ASB3: variants seen among roughly 807,000 people sequenced by gnomAD.
ASB3 encodes the protein ankyrin repeat and SOCS box protein 3.
A neutral mutation model predicts 54.5 loss-of-function variants in ASB3; 41 were observed. The observed-to-expected ratio is 0.75, with a 90% CI of 0.59 to 0.98. The LOEUF is 0.98. ASB3 is among the 50% of genes least tolerant of loss of function. The pLI is 0.00. For missense variants in ASB3, 733 were observed against 620.0 expected (o/e 1.18, Z -1.94); for synonymous variants, 266 against 221.2 (o/e 1.20, Z -1.80).
At chr2:53,712,757 C>T (rs760843558) in intron 7 of ASB3, among the ~76,000 whole-genome samples, 4 of 151,886 alleles carry the variant, frequency 2.6e-5, no homozygotes, top group Admixed American at 2.6e-4. Flanking sequence ...CACACACACA[C>T]ACACACACAC....
In ASB3 at chr2:53,757,998, G is replaced by T. The variant is rs769135289; in HGVS notation, c.197-7057C>A. 1.3e-5 allele frequency among the ~76,000 whole-genome samples: 2 copies of T among 151,882 alleles called. 1 individual carries two copies. Among genetic ancestry groups the T allele is most frequent in the African/African-American group, 4.8e-5 (2 of 41,326 alleles). On this transcript the variant is annotated intron_variant, in intron 2 of 9. Coordinates refer to ENST00000263634, the MANE Select transcript of ASB3 (RefSeq NM_016115.5). Reference sequence around the variant, plus strand: ...GATGAAAGCGAATTAAGTAACTCAAGGAGAGAAGAGACAGAGAGAGAGAGA... The same window carrying T: ...GATGAAAGCGAATTAAGTAACTCAATGAGAGAAGAGACAGAGAGAGAGAGA...
At chr2:53,698,469 T>C (rs952459717) in intron 8 of ASB3, among the ~76,000 whole-genome samples, 11 of 152,150 alleles carry the variant, frequency 7.2e-5, no homozygotes, top group Non-Finnish European at 1.3e-4. Context: ...ATGTCCTAAG[T>C]CATTCCTTTG....
chr2:53,749,115 T>G (rs1225953569), intron 3 of ASB3, among the ~76,000 whole-genome samples: 1 of 152,024 alleles, frequency 6.6e-6, no homozygotes, highest in Admixed American at 6.6e-5. Flanking sequence ...ACTACTTCCA[T>G]AAGTCTGAAA....
intron 3 of ASB3, among the ~76,000 whole-genome samples, chr2:53,743,315 A>T (rs1264340556): frequency 1.3e-5 from 2 of 151,988 alleles, no homozygotes; most frequent in Non-Finnish European, 2.9e-5. Context: ...AAATTATTCA[A>T]TTTTGAACAT....
rs188789540 is a variant in ASB3 at position 53,734,275 on chromosome 2, C to G, written c.356-4705G>C. On this transcript the variant is annotated intron_variant, in intron 3 of 9. Transcript: ENST00000263634. ...TATTGTCTCTTCTCCAGTTTTTTCTCATCATTCCTTCTCTACTGGGCTCCA... is the reference window on the plus strand; with the variant it reads ...TATTGTCTCTTCTCCAGTTTTTTCTGATCATTCCTTCTCTACTGGGCTCCA... Among the ~76,000 whole-genome samples the G allele has an allele frequency of 3.0e-3, 454 of 152,330 alleles. 1 individual carries two copies. Among genetic ancestry groups the G allele is most frequent in the African/African-American group, 0.011 (440 of 41,562 alleles).
chr2:53,780,495 GA>G (rs1674584368), intron 1 of ASB3, among the ~76,000 whole-genome samples: 1 of 152,160 alleles, frequency 6.6e-6, no homozygotes, highest in African/African-American at 2.4e-5. Flanking sequence ...AATACAAGCA[GA>G]GGGGTGGGTA....
chr2:53,711,165 T>A (rs1012201022), intron 7 of ASB3, among the ~76,000 whole-genome samples: 1 of 152,098 alleles, frequency 6.6e-6, no homozygotes, highest in Non-Finnish European at 1.5e-5. Context: ...TTTGGGTCTA[T>A]CTTGTGCATT....
intron 3 of ASB3, among the ~76,000 whole-genome samples, chr2:53,741,932 T>C (rs1334183320): frequency 1.3e-5 from 2 of 152,174 alleles, no homozygotes; most frequent in African/African-American, 4.8e-5. Flanking sequence ...TCCTGGGTAC[T>C]TGTGGGAGAA....
intron 3 of ASB3, among the ~76,000 whole-genome samples, chr2:53,737,671 G>T (rs553944377): frequency 6.7e-6 from 1 of 149,112 alleles, no homozygotes; most frequent in East Asian, 2.0e-4. Context: ...GGAAGGGGAA[G>T]GATGTCTCCA....
intron 7 of ASB3, among the ~76,000 whole-genome samples, chr2:53,713,079 C>G (rs1220916991): frequency 6.6e-6 from 1 of 152,168 alleles, no homozygotes; most frequent in Non-Finnish European, 1.5e-5. Flanking sequence ...TGGCTCACAC[C>G]TATAATCCCA....
In ASB3 at chr2:53,670,484, GT is replaced by G; in HGVS notation, c.*18del. ...TTTTTCAGAGAAAAAAATTAGCTGT[GT>G]TAAGTAGTTTCACTGATTTATCCAT... is the stretch of plus-strand genomic sequence containing the variant. On this transcript the variant is annotated 3_prime_UTR_variant, in exon 10 of 10. Transcript: ENST00000263634. 6.2e-7 allele frequency: 1 copy of G among 1,608,908 alleles called. No homozygotes were observed. Among genetic ancestry groups the G allele is most frequent in the Non-Finnish European group, 8.5e-7 (1 of 1,178,790 alleles).
chr2:53,672,502 T>C (rs898672382), intron 9 of ASB3, among the ~76,000 whole-genome samples: 1 of 152,168 alleles, frequency 6.6e-6, no homozygotes, highest in Non-Finnish European at 1.5e-5. Context: ...TTTAAGTAGA[T>C]TGACTATGTT....
chr2:53,712,912 T>C (rs146652443), intron 7 of ASB3, among the ~76,000 whole-genome samples: 9 of 152,302 alleles, frequency 5.9e-5, no homozygotes, highest in African/African-American at 1.9e-4. Flanking sequence ...CTAAAGTAAT[T>C]AGGGCTCTTC....
chr2:53,707,914 A>G (rs1217086069), intron 7 of ASB3, among the ~76,000 whole-genome samples: 2 of 147,046 alleles, frequency 1.4e-5, no homozygotes, highest in African/African-American at 2.5e-5. Context: ...GTGAGCCGAG[A>G]TGGTGTCACT....
intron 9 of ASB3, among the ~76,000 whole-genome samples, chr2:53,683,064 G>A (rs1167439240): frequency 6.6e-6 from 1 of 152,146 alleles, no homozygotes; most frequent in African/African-American, 2.4e-5. Flanking sequence ...AGATCTTAGA[G>A]GAAAAGCTTC....
chr2:53,671,273 T>C (rs1007417707), intron 9 of ASB3, among the ~76,000 whole-genome samples: 4 of 151,700 alleles, frequency 2.6e-5, no homozygotes, highest in African/African-American at 9.7e-5. Flanking sequence ...TGTAGAAATT[T>C]AAAAAAACAA....
chr2:53,716,785 C>CCTG, intron 5 of ASB3, 42 bp from the exon 6 acceptor site: 2 of 1,531,858 alleles, frequency 1.3e-6, no homozygotes, highest in Non-Finnish European at 1.8e-6. Context: ...AACCCTAATA[C>CCTG]TTAAAAAAAT....
chr2:53,693,793 C>T lies in ASB3; in HGVS notation c.1369+91G>A, dbSNP rs544605441. 8.0e-6 allele frequency: 12 copies of T among 1,501,394 alleles called. No homozygotes were observed. The African/African-American group carries it at 1.1e-4, about 14-fold the overall frequency. 93.0% of individuals were successfully genotyped at this position (1,501,394 alleles called of 1,614,324 possible). A position where few individuals can be genotyped will look rare whatever the true frequency, so the allele number is the denominator to read the frequency against. ...CAAATTATGTCTAATTTGTGTTCAC[C>T]GATGAATCTTATCACTTAAAATTAC... is the stretch of plus-strand genomic sequence containing the variant. On this transcript the variant is annotated intron_variant, in intron 9 of 9. Transcript: ENST00000263634.
intron 5 of ASB3, among the ~76,000 whole-genome samples, chr2:53,719,203 G>A (rs1321975499): frequency 3.3e-5 from 5 of 152,092 alleles, no homozygotes; most frequent in African/African-American, 4.8e-5. Flanking sequence ...GATTACAGGC[G>A]TGAGCCACCA....
Sources: gnomAD v4.1 joint callset for allele counts (sites outside exome capture counted in the v4.1 genomes callset) on GRCh38, gnomAD v4.1.1 for gene constraint, MANE v1.5 for transcripts, NCBI Gene and HGNC (gene_info 2026-07-23, HGNC 2026-07-21) for gene names.